Variants in SAMD12 observed in about 807,000 individuals in gnomAD.
SAMD12 encodes sterile alpha motif domain containing 12.
In SAMD12, 9 loss-of-function variants were observed where a neutral mutation model predicts 15.0. The observed-to-expected ratio is 0.60, with a 90% CI of 0.36 to 1.05. The LOEUF is 1.05. Ranked by LOEUF, SAMD12 falls within the 50% of genes least tolerant of loss-of-function variation. SAMD12 has a pLI of 0.01. For missense variants in SAMD12, 230 were observed against 234.2 expected (o/e 0.98, Z 0.12); for synonymous variants, 86 against 90.1 (o/e 0.96, Z 0.25).
chr8:118,457,103 T>C (rs1436366854), intron 2 of SAMD12, among the ~76,000 whole-genome samples: 2 of 152,226 alleles, frequency 1.3e-5, no homozygotes, highest in African/African-American at 4.8e-5. Context: ...CAGTCCCTGA[T>C]ACTACTGACA....
chr8:118,522,211 C>A (rs1419419189), intron 2 of SAMD12, among the ~76,000 whole-genome samples: 25 of 55,984 alleles, frequency 4.5e-4, no homozygotes, highest in African/African-American at 1.6e-3. Context: ...CACACACACA[C>A]ACACGATAAA....
At chr8:118,592,198 G>A (rs1201699643) in intron 1 of SAMD12, among the ~76,000 whole-genome samples, 1 of 152,116 alleles carries the variant, frequency 6.6e-6, no homozygotes, top group Non-Finnish European at 1.5e-5. Flanking sequence ...GTGCATGCCT[G>A]TAATATGAGC....
intron 4 of SAMD12, among the ~76,000 whole-genome samples, chr8:118,316,588 C>T (rs1428391252): frequency 6.6e-6 from 1 of 151,964 alleles, no homozygotes; most frequent in African/African-American, 2.4e-5. Flanking sequence ...ATTTAAAACA[C>T]ACAAAATATC....
chr8:118,393,308 C>G (rs1477270159), intron 3 of SAMD12, among the ~76,000 whole-genome samples: 1 of 152,152 alleles, frequency 6.6e-6, no homozygotes, highest in African/African-American at 2.4e-5. Context: ...CTTCCTACCT[C>G]AGCCTTCAGA....
intron 2 of SAMD12, among the ~76,000 whole-genome samples, chr8:118,516,912 T>C (rs1825260282): frequency 6.6e-6 from 1 of 152,234 alleles, no homozygotes; most frequent in African/African-American, 2.4e-5. Context: ...GTGCTGGGAT[T>C]ACAGGCGTGA....
At chr8:118,536,669 A>G (rs1253540507) in intron 2 of SAMD12, among the ~76,000 whole-genome samples, 1 of 152,220 alleles carries the variant, frequency 6.6e-6, no homozygotes, top group African/African-American at 2.4e-5. Context: ...TAACTTTGTT[A>G]TTCCCCACCC....
Position 118,191,763 on chromosome 8 carries a change from TATATATATATATATATATA to T in SAMD12, c.*5928_*5946del, listed in dbSNP as rs1819384929. On this transcript the variant is annotated 3_prime_UTR_variant, in exon 5 of 5. Transcript: ENST00000409003. ...GAAAAAAAATACTGGAGATTATATATATATATATATATATATATATATATATATATATATATATATATAT... is the reference window on the plus strand; with the variant it reads ...GAAAAAAAATACTGGAGATTATATATTATATATATATATATATATATATAT... The T allele has an allele frequency of 9.0e-4, 13 of 14,422 alleles. No individual in the cohort carries two copies. The East Asian group carries it at 0.015, about 17-fold the overall frequency. The allele number at this position is 14,422 out of a possible 1,614,324, so 0.9% of individuals were successfully genotyped here.
intron 3 of SAMD12, among the ~76,000 whole-genome samples, chr8:118,426,692 C>T (rs915271571): frequency 2.0e-5 from 3 of 152,082 alleles, no homozygotes; most frequent in Non-Finnish European, 4.4e-5. Flanking sequence ...ATGAATGTGT[C>T]CTTGGAGCAG....
At chr8:118,488,115 G>A (rs1824339334) in intron 2 of SAMD12, among the ~76,000 whole-genome samples, 2 of 151,854 alleles carry the variant, frequency 1.3e-5, no homozygotes, top group African/African-American at 2.4e-5. Flanking sequence ...TCAAATGTGG[G>A]TTTATAACCA....
At chr8:118,169,016 C>T in the SAMD12 span, among the ~76,000 whole-genome samples, 1 of 151,920 alleles carries the variant, frequency 6.6e-6, no homozygotes, top group African/African-American at 2.4e-5. Flanking sequence ...TTAAAACCAA[C>T]CACTCAACAA....
intron 3 of SAMD12, among the ~76,000 whole-genome samples, chr8:118,427,028 C>A (rs368338092): frequency 8.5e-5 from 13 of 152,318 alleles, no homozygotes; most frequent in Middle Eastern, 6.8e-3. Context: ...GAGTATTGTT[C>A]CTTTGTCAGC....
chr8:118,321,004 C>T (rs1456775022), intron 4 of SAMD12, among the ~76,000 whole-genome samples: 1 of 147,622 alleles, frequency 6.8e-6, no homozygotes, highest in Non-Finnish European at 1.5e-5. Context: ...GTGACAAAGT[C>T]ACATGTATTG....
At chr8:118,292,349 G>GACACACACAGACACACACAC (rs1554624055) in intron 4 of SAMD12, among the ~76,000 whole-genome samples, 8 of 137,624 alleles carry the variant, frequency 5.8e-5, no homozygotes, top group South Asian at 2.4e-4. Flanking sequence ...CAAACACACA[G>GACACACACAGACACACACAC]ACACACACAC....
At chr8:118,481,125 T>G (rs1824113999) in intron 2 of SAMD12, among the ~76,000 whole-genome samples, 1 of 151,970 alleles carries the variant, frequency 6.6e-6, no homozygotes, top group Admixed American at 6.6e-5. Flanking sequence ...TTTTTATTTT[T>G]TATTTTTAGT....
intron 4 of SAMD12, among the ~76,000 whole-genome samples, chr8:118,322,595 G>A (rs1479750382): frequency 6.6e-6 from 1 of 152,218 alleles, no homozygotes; most frequent in Non-Finnish European, 1.5e-5. Flanking sequence ...CCTTCTCTCT[G>A]TCGTAGGCTG....
chr8:118,566,327 CCT>C lies in SAMD12; in HGVS notation c.192+14386_192+14387del, dbSNP rs1283496942. ...GAAAACACCCTTCCTCTTTCATTCC[CCT>C]GTCTTCTACTCCATCTTTATTTTCG... is the stretch of plus-strand genomic sequence containing the variant. On this transcript the variant is annotated intron_variant, in intron 2 of 3. Transcript: ENST00000314727. Among the ~76,000 whole-genome samples the C allele has an allele frequency of 9.2e-5, 14 of 152,260 alleles. No individual in the cohort carries two copies. The East Asian group carries it at 1.4e-3, about 15-fold the overall frequency.
At chr8:118,334,133 T>C (rs1432250662) in intron 4 of SAMD12, among the ~76,000 whole-genome samples, 1 of 152,188 alleles carries the variant, frequency 6.6e-6, no homozygotes. Flanking sequence ...AAGAAGCTAT[T>C]AATACTTATG....
chr8:118,503,763 C>T (rs575872640), intron 2 of SAMD12, among the ~76,000 whole-genome samples: 3 of 152,296 alleles, frequency 2.0e-5, no homozygotes, highest in South Asian at 2.1e-4. Flanking sequence ...AGAACCACCA[C>T]CTCTTTTTCT....
At chr8:118,593,924 TCTGA>T (rs1318355314) in intron 1 of SAMD12, among the ~76,000 whole-genome samples, 1 of 152,242 alleles carries the variant, frequency 6.6e-6, no homozygotes, top group Non-Finnish European at 1.5e-5. Context: ...TGTCTGCTGT[TCTGA>T]CTTTCATACA....
Sources: allele counts gnomAD v4.1 joint callset (sites outside exome capture counted in the v4.1 genomes callset), GRCh38; gene constraint gnomAD v4.1.1; transcripts MANE v1.5; gene names NCBI Gene and HGNC (gene_info 2026-07-23, HGNC 2026-07-21).